The following SLC10A6 variants were observed in gnomAD, a reference collection of about 807,000 sequenced individuals.
The protein encoded by SLC10A6 is sodium-dependent organic anion transporter.
In SLC10A6, 27 loss-of-function variants were observed where a neutral mutation model predicts 30.0. The ratio of observed to expected loss-of-function variants is 0.90; its 90% CI spans 0.66 to 1.24. SLC10A6 has a LOEUF of 1.24. SLC10A6 is among the 50% of genes most tolerant of loss of function. The pLI is 0.00. For synonymous variants in SLC10A6, 166 were observed against 173.8 expected, an observed-to-expected ratio of 0.95 and a Z score of 0.36; for missense variants, 439 against 457.0, an observed-to-expected ratio of 0.96 and a Z score of 0.36.
Position 86,828,082 on chromosome 4 carries a change from G to A in SLC10A6, c.672C>T (p.Ile224=), listed in dbSNP as rs1403252146. 3.7e-6 allele frequency: 6 copies of A among 1,613,836 alleles called. No individual in the cohort carries two copies. The African/African-American group carries it at 4.0e-5, about 11-fold the overall frequency. The part of the protein sequence containing the change: ...VLAKGSWNSD[I]TLLTISFIFP... ...AGATGAAACTGATGGTCAGAAGGGT[G>A]ATGTCTGAATTCCAAGATCCTTTCG... The change falls in exon 4 of 6, where the codon ATC becomes ATT. Residue 224 remains isoleucine (I), a synonymous_variant. Coordinates refer to ENST00000273905, the MANE Select transcript of SLC10A6 (RefSeq NM_197965.3).
intron 3 of SLC10A6, among the ~76,000 whole-genome samples, chr4:86,829,185 C>A (rs376210374): frequency 8.5e-5 from 13 of 152,136 alleles, no homozygotes; most frequent in Admixed American, 4.6e-4. Flanking sequence ...CAGAGGTGGG[C>A]GGATCACCTG....
chr4:86,827,719 G>A (rs887653820), intron 4 of SLC10A6, among the ~76,000 whole-genome samples: 4 of 152,018 alleles, frequency 2.6e-5, no homozygotes, highest in Admixed American at 6.6e-5. Flanking sequence ...TTTCTTCTAC[G>A]AAGTGGGAAT....
chr4:86,830,409 T>C (rs954012866), intron 3 of SLC10A6, among the ~76,000 whole-genome samples: 1 of 152,084 alleles, frequency 6.6e-6, no homozygotes, highest in Non-Finnish European at 1.5e-5. Context: ...AAAACTTAAT[T>C]AATTTTTAAA....
At chr4:86,830,978 G>A (rs536001304) in intron 3 of SLC10A6, among the ~76,000 whole-genome samples, 8 of 152,128 alleles carry the variant, frequency 5.3e-5, no homozygotes, top group Admixed American at 3.9e-4. Flanking sequence ...TTGTTGTTTT[G>A]TTTCATTTTT....
chr4:86,827,400 G>A (rs1211542950), intron 4 of SLC10A6, among the ~76,000 whole-genome samples: 2 of 152,182 alleles, frequency 1.3e-5, no homozygotes, highest in African/African-American at 4.8e-5. Context: ...AAGTAAATGA[G>A]ATAGATGGGG....
At chr4:86,843,865 G>A (rs941358917) in intron 1 of SLC10A6, among the ~76,000 whole-genome samples, 2 of 151,992 alleles carry the variant, frequency 1.3e-5, no homozygotes, top group Non-Finnish European at 2.9e-5. Context: ...TCACGATGTA[G>A]GAATGCTTCT....
chr4:86,830,819 G>T (rs566779903), intron 3 of SLC10A6, among the ~76,000 whole-genome samples: 3 of 152,204 alleles, frequency 2.0e-5, no homozygotes, highest in African/African-American at 7.2e-5. Flanking sequence ...CTTTATAAAT[G>T]TAAAATATAA....
intron 1 of SLC10A6, among the ~76,000 whole-genome samples, chr4:86,840,887 A>G (rs1746278598): frequency 6.6e-6 from 1 of 152,196 alleles, no homozygotes; most frequent in African/African-American, 2.4e-5. Context: ...TCCATATGAA[A>G]CCCAAAATTA....
At chr4:86,825,153 A>G (rs1345485796) in intron 5 of SLC10A6, among the ~76,000 whole-genome samples, 2 of 152,202 alleles carry the variant, frequency 1.3e-5, no homozygotes, top group Non-Finnish European at 2.9e-5. Context: ...TACGAAGTCT[A>G]AGTTCTGATA....
chr4:86,842,865 TCTTTCTTTC>T (rs1746327108), intron 1 of SLC10A6, among the ~76,000 whole-genome samples: 2 of 59,612 alleles, frequency 3.4e-5, no homozygotes, highest in Non-Finnish European at 5.9e-5. Context: ...TTTCTTTCTT[TCTTTCTTTC>T]TTTTTTTTTT....
chr4:86,848,355 C>T (rs1378831701), intron 1 of SLC10A6, among the ~76,000 whole-genome samples: 2 of 152,154 alleles, frequency 1.3e-5, no homozygotes, highest in Non-Finnish European at 2.9e-5. Context: ...CTGACACAAC[C>T]ACGACGGCTG....
chr4:86,833,432 T>A lies in SLC10A6; in HGVS notation c.378-8A>T. On this transcript the variant is annotated splice_polypyrimidine_tract_variant and splice_region_variant and intron_variant, in intron 1 of 5. Transcript: ENST00000273905. Reference sequence around the variant, plus strand: ...CAGGTTGTCATACTGATGCTGAAAGTAAAATTAATACAATGCTTAGGAGGG... The same window carrying A: ...CAGGTTGTCATACTGATGCTGAAAGAAAAATTAATACAATGCTTAGGAGGG... 1 of 1,594,814 alleles carries A rather than the reference T, an allele frequency of 6.3e-7. No homozygotes were observed. The highest frequency in any genetic ancestry group is 1.7e-5 in the Admixed American group (1 of 59,984).
At chr4:86,827,956 C>A in intron 4 of SLC10A6, 37 bp downstream of exon 4, 1 of 1,590,066 alleles carries the variant, frequency 6.3e-7, no homozygotes, top group South Asian at 1.1e-5. Context: ...GTTAAATTTA[C>A]CTTCCTCAAA....
Position 86,845,260 on chromosome 4 carries a change from T to G in SLC10A6, c.377+3479A>C, listed in dbSNP as rs370608583. Among the ~76,000 whole-genome samples the G allele has an allele frequency of 3.0e-4, 45 of 152,304 alleles. 1 individual carries two copies. The highest frequency in any genetic ancestry group is 1.1e-3 in the African/African-American group (44 of 41,562). On this transcript the variant is annotated intron_variant, in intron 1 of 5. Coordinates refer to ENST00000273905, the MANE Select transcript of SLC10A6 (RefSeq NM_197965.3). ...CTGGAGGAGACAAAATAAGGTCAGTTGGCACTGCAGACTGTGGGAACAACA... is the reference window on the plus strand; with the variant it reads ...CTGGAGGAGACAAAATAAGGTCAGTGGGCACTGCAGACTGTGGGAACAACA...
intron 3 of SLC10A6, among the ~76,000 whole-genome samples, chr4:86,830,424 A>G (rs774298723): frequency 3.9e-5 from 6 of 152,216 alleles, no homozygotes; most frequent in Non-Finnish European, 5.9e-5. Flanking sequence ...TTTAAAAATA[A>G]ATGTGGAAAA....
chr4:86,825,751 G>A (rs1745984141), intron 4 of SLC10A6, among the ~76,000 whole-genome samples, 174 bp from the exon 5 acceptor site: 1 of 152,316 alleles, frequency 6.6e-6, no homozygotes, highest in East Asian at 1.9e-4. Context: ...TGAGAGGCAC[G>A]GTGGAGTGAG....
chr4:86,831,690 G>A (rs781373561), intron 3 of SLC10A6, 102 bp downstream of exon 3: 20 of 900,792 alleles, frequency 2.2e-5, no homozygotes, highest in Non-Finnish European at 3.2e-5. Context: ...TCTGGGTGTG[G>A]GGCCGTACTC....
intron 1 of SLC10A6, among the ~76,000 whole-genome samples, chr4:86,841,529 C>A (rs555318590): frequency 6.6e-6 from 1 of 152,252 alleles, no homozygotes; most frequent in South Asian, 2.1e-4. Flanking sequence ...TTCAGTATAA[C>A]AAGATTCCAC....
chr4:86,835,837 T>G (rs1280503131), intron 1 of SLC10A6, among the ~76,000 whole-genome samples: 1 of 152,144 alleles, frequency 6.6e-6, no homozygotes, highest in Non-Finnish European at 1.5e-5. Context: ...CAAAGTAAGA[T>G]TTCTAGGCTT....
Sources: gnomAD v4.1 joint callset for allele counts (sites outside exome capture counted in the v4.1 genomes callset) on GRCh38, gnomAD v4.1.1 for gene constraint, MANE v1.5 for transcripts, NCBI Gene and HGNC (gene_info 2026-07-23, HGNC 2026-07-21) for gene names.